Variants in PCDH7 observed in about 807,000 individuals in gnomAD.
PCDH7 encodes protocadherin-7.
PCDH7 carries 17 observed loss-of-function variants against 58.9 expected under a neutral mutation model. That is an observed-to-expected ratio of 0.29 (90% CI 0.20 to 0.43). The LOEUF is 0.43. Among genes scored for constraint, PCDH7 ranks in the 20% least tolerant of loss-of-function variants. The pLI is 1.00. For synonymous variants in PCDH7, 664 were observed against 616.4 expected (o/e 1.08, Z -1.14); for missense variants, 1,274 against 1,441.0 (o/e 0.88, Z 1.88).
downstream of PCDH7, among the ~76,000 whole-genome samples, chr4:30,737,971 G>C (rs1396405312): frequency 6.6e-6 from 1 of 152,256 alleles, no homozygotes; most frequent in African/African-American, 2.4e-5. Flanking sequence ...GGCAAATTCA[G>C]TTTCTGATGA....
Position 30,786,934 on chromosome 4 carries a change from A to G in PCDH7, c.70+62338A>G, listed in dbSNP as rs145441697. On this transcript the variant is annotated intron_variant, in intron 1 of 3. Coordinates refer to the PCDH7 transcript ENST00000509759. ...AAATGAAGCTTTGAGTTTGAAGAAA[A>G]CAAAAAAGGCTTTAAAATAAGATCT... The G allele has an allele frequency of 3.4e-3, 597 of 176,318 alleles. 7 individuals are homozygous for G. Among genetic ancestry groups the G allele is most frequent in the African/African-American group, 0.013 (529 of 41,876 alleles). The allele number at this position is 176,318 out of a possible 1,614,324, so 10.9% of individuals were successfully genotyped here. A position where few individuals can be genotyped will look rare whatever the true frequency, so the allele number is the denominator to read the frequency against.
chr4:30,859,480 C>T lies in PCDH7; in HGVS notation c.71-60673C>T, dbSNP rs1226627429. Reference sequence around the variant, plus strand: ...TTTGAGACACAGTTTTACTCTGTCTCCCAGGCTGGAGTGCAGTGGTGCAAT... The same window carrying T: ...TTTGAGACACAGTTTTACTCTGTCTTCCAGGCTGGAGTGCAGTGGTGCAAT... On this transcript the variant is annotated intron_variant, in intron 1 of 3. Transcript: ENST00000509759. Among the ~76,000 whole-genome samples the T allele has an allele frequency of 2.7e-5, 4 of 150,890 alleles. No homozygotes were observed. The East Asian group carries it at 5.9e-4, about 22-fold the overall frequency.
In PCDH7 at chr4:30,722,322, C is replaced by T. The variant is rs1187125709; in HGVS notation, c.900C>T (p.Asp300=). Residue 300 remains aspartate, a synonymous_variant, in exon 1 of 2, where the codon GAC becomes GAT. Coordinates refer to ENST00000361762, the Ensembl canonical transcript of PCDH7. This position sits in a 1 kb window ranked among gnomAD's most constrained non-coding sequence, Gnocchi z 7.6. ...CCATCCTACGGGTCCTCATCACCGA[C>T]GTGAACGACAACAGCCCCCGCTTCG... 1 of 1,610,198 alleles carries T rather than the reference C, an allele frequency of 6.2e-7. No individual in the cohort carries two copies. The highest frequency in any genetic ancestry group is 8.5e-7 in the Non-Finnish European group (1 of 1,179,086).
intron 3 of PCDH7, among the ~76,000 whole-genome samples, chr4:30,954,747 C>A (rs1747681276): frequency 1.3e-5 from 2 of 152,098 alleles, no homozygotes; most frequent in Admixed American, 6.6e-5. Context: ...TGGACTAGTT[C>A]ATTTTTAAAG....
At chr4:30,754,683 T>G (rs1171342224) in intron 1 of PCDH7, among the ~76,000 whole-genome samples, 1 of 152,198 alleles carries the variant, frequency 6.6e-6, no homozygotes, top group Non-Finnish European at 1.5e-5. Flanking sequence ...CAGATACCCT[T>G]CTAAAGGATT....
chr4:30,848,296 T>C (rs912251350), intron 1 of PCDH7, among the ~76,000 whole-genome samples: 3 of 152,142 alleles, frequency 2.0e-5, no homozygotes, highest in African/African-American at 7.2e-5. Context: ...GTACTCTGTG[T>C]AAACAATTAG....
Position 30,989,469 on chromosome 4 carries a change from G to T in PCDH7, c.*7+39254G>T, listed in dbSNP as rs1751272362. On this transcript the variant is annotated intron_variant, in intron 3 of 3. Transcript: ENST00000509759. ...GCATGTTGCTTGTCTGTTTCTTGAT[G>T]AAATGTCTGTGTAGTGTCTGTAATT... Among the ~76,000 whole-genome samples, 3 of 152,272 alleles carry T rather than the reference G, an allele frequency of 2.0e-5. No individual in the cohort carries two copies. The South Asian group carries it at 6.2e-4, about 32-fold the overall frequency.
intron 2 of PCDH7, 74 bp downstream of exon 2, chr4:30,920,443 C>G: frequency 9.2e-7 from 1 of 1,084,254 alleles, no homozygotes; most frequent in Non-Finnish European, 1.2e-6. Flanking sequence ...GAAGGTCAGT[C>G]TAAAACCAAA....
intron 1 of PCDH7, among the ~76,000 whole-genome samples, chr4:30,836,278 A>T (rs1730469335): frequency 6.6e-6 from 1 of 152,210 alleles, no homozygotes; most frequent in African/African-American, 2.4e-5. Context: ...CAGAGTGCAC[A>T]GTTTACTAGT....
intron 1 of PCDH7, among the ~76,000 whole-genome samples, chr4:30,856,015 A>T (rs1045318734): frequency 2.0e-5 from 3 of 151,990 alleles, no homozygotes; most frequent in African/African-American, 7.2e-5. Flanking sequence ...TAAGAACTTA[A>T]CCCTCTTGAT....
At chr4:31,071,737 G>T (rs1163291931) in intron 3 of PCDH7, among the ~76,000 whole-genome samples, 1 of 151,992 alleles carries the variant, frequency 6.6e-6, no homozygotes, top group Non-Finnish European at 1.5e-5. Context: ...CCCAGGCAGA[G>T]ATCCCTCGCA....
chr4:30,838,189 C>G (rs950880868), intron 1 of PCDH7, among the ~76,000 whole-genome samples: 1 of 151,928 alleles, frequency 6.6e-6, no homozygotes, highest in African/African-American at 2.4e-5. Flanking sequence ...AATTAATGTT[C>G]TAATGTGCTT....
intron 1 of PCDH7, among the ~76,000 whole-genome samples, chr4:30,901,313 G>T (rs1740191478): frequency 6.6e-6 from 1 of 152,120 alleles, no homozygotes; most frequent in African/African-American, 2.4e-5. Context: ...AGAGGAATAA[G>T]TATATATACC....
chr4:30,939,241 A>G (rs1745741493), intron 2 of PCDH7, among the ~76,000 whole-genome samples: 1 of 152,276 alleles, frequency 6.6e-6, no homozygotes, highest in East Asian at 1.9e-4. Context: ...TGATAATCCA[A>G]TGTAAATGTG....
At chr4:31,041,561 G>A (rs1344175016) in intron 3 of PCDH7, among the ~76,000 whole-genome samples, 2 of 152,028 alleles carry the variant, frequency 1.3e-5, no homozygotes, top group African/African-American at 4.8e-5. Context: ...CGACACAGAA[G>A]GCCAGTTAAA....
chr4:30,818,944 C>T lies in PCDH7; in HGVS notation c.70+94348C>T, dbSNP rs1454862952. ...TAAAATTTCATCTGATTGATTTTTG[C>T]TGTAATTGTTTCTATTCCTAACCAT... On this transcript the variant is annotated intron_variant, in intron 1 of 3. Coordinates refer to the PCDH7 transcript ENST00000509759. 2.0e-5 allele frequency among the ~76,000 whole-genome samples: 3 copies of T among 152,096 alleles called. No homozygotes were observed. In the East Asian group the frequency reaches 5.8e-4, roughly 29 times the overall value.
intron 3 of PCDH7, among the ~76,000 whole-genome samples, chr4:31,037,173 A>G (rs144623253): frequency 6.6e-6 from 1 of 152,198 alleles, no homozygotes; most frequent in East Asian, 1.9e-4. Context: ...TAATTGTCTC[A>G]TGTTATTTTC....
intron 3 of PCDH7, among the ~76,000 whole-genome samples, chr4:30,955,980 C>T (rs978052785): frequency 1.3e-5 from 2 of 150,366 alleles, no homozygotes; most frequent in Admixed American, 6.6e-5. Flanking sequence ...GTCAGGAGAT[C>T]GAGACCATCC....
chr4:30,919,300 A>G (rs1578287449), intron 1 of PCDH7, among the ~76,000 whole-genome samples: 1 of 149,116 alleles, frequency 6.7e-6, no homozygotes, highest in South Asian at 2.1e-4. Flanking sequence ...ATTTATTTTA[A>G]TTTATTTTAT....
Sources: allele counts gnomAD v4.1 joint callset (sites outside exome capture counted in the v4.1 genomes callset), GRCh38; gene constraint gnomAD v4.1.1; non-coding constraint Gnocchi (gnomAD v3.1); transcripts MANE v1.5; gene names NCBI Gene and HGNC (gene_info 2026-07-23, HGNC 2026-07-21).